The following FAM3C variants were observed in gnomAD, a reference collection of about 807,000 sequenced individuals.
FAM3C encodes protein FAM3C.
Under a neutral mutation model 32.5 loss-of-function variants are expected in FAM3C, and 15 were observed. The ratio of observed to expected loss-of-function variants is 0.46; its 90% confidence interval spans 0.31 to 0.71. The LOEUF (loss-of-function observed/expected upper bound fraction) is 0.71, where lower values mean the gene tolerates loss of function less well. Ranked by LOEUF, FAM3C falls within the 30% of genes least tolerant of loss-of-function variation. FAM3C has a pLI of 0.05. For synonymous variants in FAM3C, 75 were observed against 86.1 expected, an observed-to-expected ratio of 0.87 and a Z score of 0.72; for missense variants, 175 against 274.4, an observed-to-expected ratio of 0.64 and a Z score of 2.56.
chr7:121,363,229 C>A (rs1257639794), intron 6 of FAM3C, among the ~76,000 whole-genome samples: 1 of 152,078 alleles, frequency 6.6e-6, no homozygotes, highest in Non-Finnish European at 1.5e-5. Flanking sequence ...GACTGTAGAC[C>A]ATTCCAATTC....
chr7:121,383,051 A>C (rs2116949195), intron 1 of FAM3C, 41 bp from the exon 2 acceptor site: 2 of 1,062,616 alleles, frequency 1.9e-6, no homozygotes, highest in East Asian at 4.9e-5. Flanking sequence ...TTAGCTCTAG[A>C]GCAAACATTC....
At chr7:121,371,513 A>G (rs927882168) in intron 4 of FAM3C, 90 bp from the exon 5 acceptor site, 2 of 1,358,610 alleles carry the variant, frequency 1.5e-6, no homozygotes, top group Non-Finnish European at 2.1e-6. Flanking sequence ...CACAAAGAGC[A>G]TTAAGAAAAA....
At chr7:121,350,609 C>A (rs925187643) in intron 9 of FAM3C, 59 bp from the exon 10 acceptor site, 1 of 1,551,112 alleles carries the variant, frequency 6.4e-7, no homozygotes, top group Non-Finnish European at 8.8e-7. Flanking sequence ...GCTGATTTGC[C>A]GTAACATTTT....
At chr7:121,361,766 C>T (rs1793929409) in intron 7 of FAM3C, among the ~76,000 whole-genome samples, 1 of 152,174 alleles carries the variant, frequency 6.6e-6, no homozygotes, top group Non-Finnish European at 1.5e-5. Context: ...ACTTCTGCCT[C>T]CCCGGTTCAA....
intron 3 of FAM3C, among the ~76,000 whole-genome samples, chr7:121,373,665 T>C (rs1794188375): frequency 6.6e-6 from 1 of 152,200 alleles, no homozygotes; most frequent in Admixed American, 6.5e-5. Context: ...AAGTAATTTA[T>C]GTATATACTA....
At chr7:121,369,143 G>A (rs945517075) in intron 5 of FAM3C, among the ~76,000 whole-genome samples, 4 of 151,506 alleles carry the variant, frequency 2.6e-5, no homozygotes, top group South Asian at 2.1e-4. Context: ...CACCACGCCC[G>A]GCTAACTTTT....
Position 121,378,936 on chromosome 7 carries a change from A to G in FAM3C, c.92T>C (p.Met31Thr), listed in dbSNP as rs376952658. ...AAATAGATTTCCTAAACTTGCATCC[A>G]TTTTTATTTCAAATACTTGAGAAAT... ...YVISQVFEIK[M>T]DASLGNLFAR... Residue 31 changes from methionine (M) to threonine (T), a missense_variant, in exon 3 of 10, where the codon ATG (methionine) becomes ACG (threonine). Physicochemically the swap from Met to Thr is moderately conservative, Grantham distance 81 (BLOSUM62 -1). Transcript: ENST00000359943. The G allele has an allele frequency of 1.7e-5, 27 of 1,544,228 alleles. No individual in the cohort carries two copies. In the African/African-American group the frequency reaches 3.7e-4, roughly 21 times the overall value.
intron 8 of FAM3C, among the ~76,000 whole-genome samples, chr7:121,356,130 T>A (rs1036221990): frequency 2.0e-5 from 3 of 151,980 alleles, no homozygotes; most frequent in African/African-American, 2.4e-5. Flanking sequence ...TGTGACTGTT[T>A]AAAGAAAACT....
At chr7:121,354,951 T>C (rs1462166391) in intron 8 of FAM3C, among the ~76,000 whole-genome samples, 4 of 152,186 alleles carry the variant, frequency 2.6e-5, no homozygotes, top group Non-Finnish European at 5.9e-5. Context: ...AAAGGAAGTG[T>C]GCAAAAATAC....
At chr7:121,391,260 T>C (rs1794572559) in intron 1 of FAM3C, among the ~76,000 whole-genome samples, 1 of 152,190 alleles carries the variant, frequency 6.6e-6, no homozygotes, top group African/African-American at 2.4e-5. Context: ...TGCTATGAGT[T>C]CTACAATTGT....
At chr7:121,350,823 T>C (rs1021041195) in intron 9 of FAM3C, among the ~76,000 whole-genome samples, 24 of 152,224 alleles carry the variant, frequency 1.6e-4, no homozygotes, top group African/African-American at 5.8e-4. Context: ...TTCTAAAATA[T>C]TTCCAAACTT....
intron 1 of FAM3C, among the ~76,000 whole-genome samples, chr7:121,383,904 G>C (rs1195748264): frequency 6.6e-6 from 1 of 152,260 alleles, no homozygotes; most frequent in East Asian, 1.9e-4. Flanking sequence ...AATCCCATTT[G>C]CCAGCAGTAC....
At chr7:121,393,976 C>T (rs1436899689) in intron 1 of FAM3C, among the ~76,000 whole-genome samples, 2 of 152,202 alleles carry the variant, frequency 1.3e-5, no homozygotes, top group Middle Eastern at 3.2e-3. Context: ...TAGCTCAGCG[C>T]TAACATAAAA....
chr7:121,351,235 A>C lies in FAM3C; in HGVS notation c.502T>G (p.Leu168Val). 6.2e-7 allele frequency: 1 copy of C among 1,613,636 alleles called. No individual in the cohort carries two copies. ...AGATTAGTAATAGATGTGCTCCCCAAATCAGCAATGAGCCGCCGTGCCTCA... is the reference window on the plus strand; with the variant it reads ...AGATTAGTAATAGATGTGCTCCCCACATCAGCAATGAGCCGCCGTGCCTCA... Reference protein sequence around the residue: ...NDEARRLIADLGSTSITNLGF... With the variant: ...NDEARRLIADVGSTSITNLGF... Residue 168 changes from leucine to valine, a missense_variant, in exon 9 of 10, where the codon TTG becomes GTG. Physicochemically the swap from Leu to Val is conservative, Grantham distance 32 (BLOSUM62 1). Coordinates refer to ENST00000359943, the MANE Select transcript of FAM3C (RefSeq NM_014888.3).
intron 9 of FAM3C, 61 bp from the exon 10 acceptor site, chr7:121,350,611 T>C: frequency 1.3e-6 from 2 of 1,544,822 alleles, no homozygotes; most frequent in South Asian, 2.3e-5. Context: ...TGATTTGCCG[T>C]AACATTTTAC....
intron 1 of FAM3C, among the ~76,000 whole-genome samples, chr7:121,383,356 T>A (rs1794399387): frequency 6.6e-6 from 1 of 152,156 alleles, no homozygotes; most frequent in African/African-American, 2.4e-5. Flanking sequence ...TTGCAGATGA[T>A]GTCCAAAGAG....
At chr7:121,378,072 G>C (rs1350446924) in intron 3 of FAM3C, among the ~76,000 whole-genome samples, 6 of 152,138 alleles carry the variant, frequency 3.9e-5, no homozygotes. Context: ...TTATAGAAAA[G>C]AAATGCATAC....
At chr7:121,361,953 A>T (rs532571285) in intron 7 of FAM3C, among the ~76,000 whole-genome samples, 20 of 152,362 alleles carry the variant, frequency 1.3e-4, no homozygotes, top group Non-Finnish European at 2.8e-4. Flanking sequence ...CTGGGATTAC[A>T]GGCGTGAGCC....
At chr7:121,372,640 T>C (rs901644852) in intron 3 of FAM3C, among the ~76,000 whole-genome samples, 1 of 152,118 alleles carries the variant, frequency 6.6e-6, no homozygotes, top group African/African-American at 2.4e-5. Flanking sequence ...TTACAATTTA[T>C]CAGTTCAAGG....
Sources: gnomAD v4.1 joint callset for allele counts (sites outside exome capture counted in the v4.1 genomes callset) on GRCh38, gnomAD v4.1.1 for gene constraint, MANE v1.5 for transcripts, NCBI Gene and HGNC (gene_info 2026-07-23, HGNC 2026-07-21) for gene names.